PANK2: variants seen among roughly 807,000 people sequenced by gnomAD.
The protein encoded by PANK2 is pantothenate kinase 2, mitochondrial.
Under a neutral mutation model 43.1 loss-of-function variants are expected in PANK2, and 36 were observed. The observed-to-expected ratio is 0.84, with a 90% CI of 0.64 to 1.10. PANK2 has a LOEUF of 1.10. Ranked by LOEUF, PANK2 falls within the 50% of genes least tolerant of loss-of-function variation. The probability of loss-of-function intolerance (pLI) is 0.00; values close to 1 mark genes in which losing one functional copy is unlikely to be tolerated. For synonymous variants in PANK2, 281 were observed against 238.2 expected (o/e 1.18, Z -1.66); for missense variants, 576 against 593.3 (o/e 0.97, Z 0.30).
intron 1 of PANK2, among the ~76,000 whole-genome samples, chr20:3,898,999 C>T (rs577365069): frequency 1.9e-4 from 29 of 151,676 alleles, no homozygotes; most frequent in Non-Finnish European, 2.9e-4. Context: ...CTTAGCCTCC[C>T]GAGTAGCTGG....
intron 6 of PANK2, among the ~76,000 whole-genome samples, chr20:3,922,424 T>G (rs2090660789): frequency 6.6e-6 from 1 of 152,222 alleles, no homozygotes; most frequent in African/African-American, 2.4e-5. Flanking sequence ...AGCTGCTGCT[T>G]CTGTGTCTCA....
intron 1 of PANK2, chr20:3,901,407 CTTTA>C (rs2090299354): frequency 6.3e-6 from 1 of 159,798 alleles, no homozygotes; most frequent in Admixed American, 6.7e-5. Context: ...GAACTGATTG[CTTTA>C]TTTTTTTTCT....
chr20:3,893,077 C>T (rs937302750), intron 1 of PANK2, among the ~76,000 whole-genome samples: 3 of 152,024 alleles, frequency 2.0e-5, no homozygotes, highest in Non-Finnish European at 4.4e-5. Flanking sequence ...GACACTATGC[C>T]GAGTATTTTA....
rs148408957 is a variant in PANK2 at position 3,896,583 on chromosome 20, C to A, written c.298+6855C>A. 5.6e-3 allele frequency among the ~76,000 whole-genome samples: 847 copies of A among 152,156 alleles called. 3 individuals are homozygous for A. Among genetic ancestry groups the A allele is most frequent in the Non-Finnish European group, 7.3e-3 (499 of 67,980 alleles). Reference sequence around the variant, plus strand: ...GACAGGATTAGAGGGTTGGGACTTTCACTCCTCTCCAGCCTCTGGGGAGGG... The same window carrying A: ...GACAGGATTAGAGGGTTGGGACTTTAACTCCTCTCCAGCCTCTGGGGAGGG... On this transcript the variant is annotated intron_variant, in intron 1 of 6. Transcript: ENST00000610179.
At position 3,913,733 on chromosome 20, in the gene PANK2, C is replaced by G. The variant is rs1271568276; in HGVS notation, c.1082+1099C>G. Among the ~76,000 whole-genome samples, 6 of 149,114 alleles carry G rather than the reference C, an allele frequency of 4.0e-5. No homozygotes were observed. The East Asian group carries it at 1.2e-3, about 30-fold the overall frequency. The stretch of plus-strand genomic sequence containing the variant: ...TCCATTTTTTGGTTATAATGTTGAA[C>G]ATTTATATGTAAGTCTTTGTATGTA... On this transcript the variant is annotated intron_variant, in intron 4 of 6. Coordinates refer to ENST00000610179, the MANE Select transcript of PANK2 (RefSeq NM_001386393.1).
chr20:3,898,637 C>G (rs1415408279), intron 1 of PANK2, among the ~76,000 whole-genome samples: 1 of 151,984 alleles, frequency 6.6e-6, no homozygotes, highest in African/African-American at 2.4e-5. Context: ...GTTTTGATTT[C>G]CTTTTTAATC....
chr20:3,891,806 A>G (rs1270808110), intron 1 of PANK2, among the ~76,000 whole-genome samples: 4 of 152,206 alleles, frequency 2.6e-5, no homozygotes, highest in Non-Finnish European at 5.9e-5. Context: ...GGAGAATTAT[A>G]TTAAGGTAGT....
At chr20:3,914,018 T>G (rs1385409607) in intron 4 of PANK2, among the ~76,000 whole-genome samples, 3 of 151,334 alleles carry the variant, frequency 2.0e-5, no homozygotes, top group Admixed American at 6.6e-5. Flanking sequence ...CTCGATCTGC[T>G]GACCTCATGA....
At chr20:3,907,859 A>T in intron 1 of PANK2, 67 bp from the exon 2 acceptor site, 1 of 1,366,144 alleles carries the variant, frequency 7.3e-7, no homozygotes, top group Non-Finnish European at 1.0e-6. Context: ...ATAAGTTGCT[A>T]CTGTGGTAAG....
At chr20:3,888,892 G>A (rs1021257305), upstream of PANK2, 12 of 527,256 alleles carry the variant, frequency 2.3e-5, no homozygotes, top group East Asian at 3.3e-4. Context: ...TAGGCCGAGG[G>A]ACAAAGGCTA....
At chr20:3,914,194 C>G (rs2090523338) in intron 4 of PANK2, among the ~76,000 whole-genome samples, 1 of 152,012 alleles carries the variant, frequency 6.6e-6, no homozygotes, top group Non-Finnish European at 1.5e-5. Context: ...CACTGTTTTC[C>G]AAAGTGGCAG....
chr20:3,909,308 G>C (rs1398301951), intron 2 of PANK2, among the ~76,000 whole-genome samples: 1 of 152,216 alleles, frequency 6.6e-6, no homozygotes, highest in African/African-American at 2.4e-5. Flanking sequence ...TCGAACTCCT[G>C]ATCTCAGGTG....
chr20:3,902,051 A>G (rs146596959), intron 1 of PANK2, among the ~76,000 whole-genome samples: 71 of 151,958 alleles, frequency 4.7e-4, no homozygotes, highest in African/African-American at 1.6e-3. Context: ...ACCGATAAAC[A>G]CTGTTCAGCC....
intron 1 of PANK2, chr20:3,889,990 T>G: frequency 7.2e-7 from 1 of 1,397,116 alleles, no homozygotes. Context: ...GTCCTCCCTT[T>G]TCTTAGCTCC....
At chr20:3,895,171 C>T (rs1448728323) in intron 1 of PANK2, among the ~76,000 whole-genome samples, 20 of 151,912 alleles carry the variant, frequency 1.3e-4, no homozygotes, top group Non-Finnish European at 4.4e-5. Context: ...CTACTCAGGA[C>T]GCTGAGGCAG....
At chr20:3,891,944 C>T (rs1369781847) in intron 1 of PANK2, among the ~76,000 whole-genome samples, 1 of 152,196 alleles carries the variant, frequency 6.6e-6, no homozygotes, top group Non-Finnish European at 1.5e-5. Context: ...CATGAAAACC[C>T]ATCTTTCCAG....
Position 3,907,974 on chromosome 20 carries a change from T to C in PANK2, c.347T>C (p.Val116Ala), listed in dbSNP as rs2090413243. 6.2e-7 allele frequency: 1 copy of C among 1,614,166 alleles called. No homozygotes were observed. Among genetic ancestry groups the C allele is most frequent in the Non-Finnish European group, 8.5e-7 (1 of 1,180,034 alleles). Residue 116 changes from valine to alanine, a missense_variant, in exon 2 of 7, where the codon GTA becomes GCA. By Grantham distance (64) the Val-to-Ala change is moderately conservative. This residue lies in a region of PANK2 where 544 missense variants were observed against 528.9 expected (regional missense o/e 1.03). Coordinates refer to ENST00000610179, the MANE Select transcript of PANK2 (RefSeq NM_001386393.1). ...ATCGGTGGAACTCTGGTCAAGCTGG[T>C]ATATTTTGAACCCAAAGACATCACT...
intron 4 of PANK2, among the ~76,000 whole-genome samples, chr20:3,915,731 A>G (rs2090549811): frequency 6.6e-6 from 1 of 152,220 alleles, no homozygotes. Context: ...TGTTGAAAAG[A>G]TGATTCTTTC....
intron 1 of PANK2, among the ~76,000 whole-genome samples, chr20:3,904,361 G>A (rs527596207): frequency 6.6e-6 from 1 of 152,078 alleles, no homozygotes; most frequent in African/African-American, 2.4e-5. Context: ...TGGGAGGATT[G>A]CTGGAGGCCA....
Sources: allele counts gnomAD v4.1 joint callset (sites outside exome capture counted in the v4.1 genomes callset), GRCh38; gene constraint gnomAD v4.1.1; regional missense constraint gnomAD v4.1.1; transcripts MANE v1.5; gene names NCBI Gene and HGNC (gene_info 2026-07-23, HGNC 2026-07-21).